Variants in RPRD1A observed in about 807,000 individuals in gnomAD.
The protein encoded by RPRD1A is regulation of nuclear pre-mRNA domain-containing protein 1A.
A neutral mutation model predicts 37.8 loss-of-function variants in RPRD1A; 9 were observed. The ratio of observed to expected loss-of-function variants is 0.24; its 90% CI spans 0.14 to 0.42. The LOEUF is 0.42. Among genes scored for constraint, RPRD1A ranks in the 10% least tolerant of loss-of-function variants. RPRD1A has a pLI of 1.00. For synonymous variants in RPRD1A, 138 were observed against 139.7 expected (o/e 0.99, Z 0.08); for missense variants, 255 against 371.0 (o/e 0.69, Z 2.57).
intron 6 of RPRD1A, among the ~76,000 whole-genome samples, chr18:36,021,666 G>C (rs996108693): frequency 1.3e-5 from 2 of 152,190 alleles, no homozygotes; most frequent in African/African-American, 2.4e-5. Flanking sequence ...AATTAGCCAA[G>C]CTGTGAATGC....
chr18:36,037,025 G>A (rs1568137618), intron 1 of RPRD1A, among the ~76,000 whole-genome samples: 1 of 152,182 alleles, frequency 6.6e-6, no homozygotes, highest in Non-Finnish European at 1.5e-5. Context: ...ACCACGCTAA[G>A]TACAGACTAA....
chr18:35,999,154 C>T (rs1000426987), intron 6 of RPRD1A, among the ~76,000 whole-genome samples: 4 of 152,110 alleles, frequency 2.6e-5, no homozygotes, highest in Admixed American at 2.6e-4. Flanking sequence ...AGAAAACACA[C>T]TTTCTATATA....
chr18:36,017,861 C>T (rs1373519633), intron 6 of RPRD1A, among the ~76,000 whole-genome samples: 5 of 152,164 alleles, frequency 3.3e-5, no homozygotes, highest in African/African-American at 9.7e-5. Context: ...CCCGCTCTTC[C>T]ACTAGATGGC....
chr18:36,000,231 T>C (rs1187743435), intron 6 of RPRD1A, among the ~76,000 whole-genome samples: 1 of 152,212 alleles, frequency 6.6e-6, no homozygotes, highest in Non-Finnish European at 1.5e-5. Context: ...TATCTAATCC[T>C]GGAATTGACA....
chr18:36,019,130 CAG>C lies in RPRD1A; in HGVS notation c.789+7768_789+7769del, dbSNP rs534186032. 4.3e-5 allele frequency among the ~76,000 whole-genome samples: 5 copies of C among 116,256 alleles called. No homozygotes were observed. The South Asian group carries it at 1.1e-3, about 25-fold the overall frequency. The allele number at this position is 116,256 out of a possible 152,430, so 76.3% of individuals were successfully genotyped here. A position where few individuals can be genotyped will look rare whatever the true frequency, so the allele number is the denominator to read the frequency against. ...TTTTTTTTTTTTTTTTTTTTGGAGA[CAG>C]AGTCTCGCTCTGTCGCCCAGGCTGG... is the stretch of plus-strand genomic sequence containing the variant. On this transcript the variant is annotated intron_variant, in intron 6 of 6. Transcript: ENST00000399022.
chr18:36,063,988 C>G (rs2088966595), intron 1 of RPRD1A: 1 of 152,274 alleles, frequency 6.6e-6, no homozygotes, highest in African/African-American at 2.4e-5. Context: ...GGAAACATCA[C>G]AAACCTTGCT....
intron 1 of RPRD1A, among the ~76,000 whole-genome samples, chr18:36,049,892 T>C (rs980756293): frequency 6.6e-6 from 1 of 152,222 alleles, no homozygotes; most frequent in Non-Finnish European, 1.5e-5. Context: ...GAAACTGCCA[T>C]ACAGTTTTCT....
At chr18:36,003,401 T>A (rs1909540849) in intron 6 of RPRD1A, among the ~76,000 whole-genome samples, 1 of 152,210 alleles carries the variant, frequency 6.6e-6, no homozygotes, top group African/African-American at 2.4e-5. Context: ...ACTGATGCAA[T>A]TAACTTTGGA....
rs182168604 is a variant in RPRD1A, at chr18:36,050,359, T to A, written c.152-16522A>T. 7.9e-5 allele frequency among the ~76,000 whole-genome samples: 12 copies of A among 152,152 alleles called. No individual in the cohort carries two copies. The South Asian group carries it at 2.5e-3, about 32-fold the overall frequency. Reference sequence around the variant, plus strand: ...TTGGGGATCCTCCAACCTCAGAGTATGTTGTTCAATGGAAAACTGTGCAAT... The same window carrying A: ...TTGGGGATCCTCCAACCTCAGAGTAAGTTGTTCAATGGAAAACTGTGCAAT... On this transcript the variant is annotated intron_variant, in intron 1 of 6. Coordinates refer to ENST00000399022, the MANE Select transcript of RPRD1A (RefSeq NM_018170.5).
rs773104405 is a variant in RPRD1A, at chr18:36,067,455, A to G, written c.-51T>C. The stretch of plus-strand genomic sequence containing the variant: ...CCCACGCGGTGGGGCCGAGGGGAGG[A>G]GAGTTTCGCCGCCCTAGCTGCGGCC... On this transcript the variant is annotated 5_prime_UTR_variant, in exon 1 of 7. Coordinates refer to ENST00000399022, the MANE Select transcript of RPRD1A (RefSeq NM_018170.5). The G allele has an allele frequency of 4.2e-5, 66 of 1,559,800 alleles. No individual in the cohort carries two copies. Among genetic ancestry groups the G allele is most frequent in the Middle Eastern group, 1.7e-4 (1 of 5,988 alleles).
At position 36,010,596 on chromosome 18, in the gene RPRD1A, G is replaced by A. The variant is rs139119894; in HGVS notation, c.789+16304C>T. Among the ~76,000 whole-genome samples the A allele has an allele frequency of 1.4e-4, 21 of 152,308 alleles. 1 individual carries two copies. In the East Asian group the frequency reaches 4.1e-3, roughly 29 times the overall value. ...TGTCTTTTGTTTTCTCTACAAAAGAGAGTGAAAATCTAAATCAGGCAAGGA... is the reference window on the plus strand; with the variant it reads ...TGTCTTTTGTTTTCTCTACAAAAGAAAGTGAAAATCTAAATCAGGCAAGGA... On this transcript the variant is annotated intron_variant, in intron 6 of 6. Coordinates refer to ENST00000399022, the MANE Select transcript of RPRD1A (RefSeq NM_018170.5).
chr18:36,005,104 A>C (rs1909663464), intron 6 of RPRD1A, among the ~76,000 whole-genome samples: 1 of 152,098 alleles, frequency 6.6e-6, no homozygotes, highest in South Asian at 2.1e-4. Context: ...GATCGAGACC[A>C]TTGTGGCTAA....
At chr18:36,040,140 T>A (rs1467151637) in intron 1 of RPRD1A, among the ~76,000 whole-genome samples, 1 of 152,246 alleles carries the variant, frequency 6.6e-6, no homozygotes, top group Non-Finnish European at 1.5e-5. Context: ...AAATTTTAAG[T>A]GTAATTTAAT....
intron 1 of RPRD1A, among the ~76,000 whole-genome samples, chr18:36,039,613 T>C (rs2144331001): frequency 6.6e-6 from 1 of 152,362 alleles, no homozygotes; most frequent in Admixed American, 6.5e-5. Context: ...GGAGAAATGT[T>C]ACCTATTTTC....
At chr18:36,031,799 AG>A (rs1401795420) in intron 2 of RPRD1A, among the ~76,000 whole-genome samples, 15 of 152,210 alleles carry the variant, frequency 9.9e-5, no homozygotes, top group African/African-American at 3.4e-4. Flanking sequence ...AATGTAAATC[AG>A]ATTATACAGC....
chr18:36,044,105 G>A (rs904764647), intron 1 of RPRD1A, among the ~76,000 whole-genome samples: 6 of 152,116 alleles, frequency 3.9e-5, no homozygotes, highest in Non-Finnish European at 8.8e-5. Context: ...CATCAAAAAG[G>A]TTTTCTCTTT....
intron 1 of RPRD1A, among the ~76,000 whole-genome samples, chr18:36,060,360 G>T (rs59125847): frequency 0.12 from 17,577 of 152,022 alleles, 1,256 homozygotes; most frequent in East Asian, 0.25. Context: ...ATGAACCCGG[G>T]AAGGTGGAGG....
chr18:36,060,442 T>A (rs1454444552), intron 1 of RPRD1A, among the ~76,000 whole-genome samples: 2 of 151,800 alleles, frequency 1.3e-5, no homozygotes, highest in African/African-American at 4.8e-5. Context: ...TCAAAAAAAA[T>A]AAAAAAGAAA....
At chr18:36,033,971 C>A in intron 1 of RPRD1A, 134 bp from the exon 2 acceptor site, 1 of 638,346 alleles carries the variant, frequency 1.6e-6, no homozygotes, top group Admixed American at 3.2e-5. Context: ...ACCCTAGTCT[C>A]TCATTTTACT....
Sources: allele counts gnomAD v4.1 joint callset (sites outside exome capture counted in the v4.1 genomes callset), GRCh38; gene constraint gnomAD v4.1.1; transcripts MANE v1.5; gene names NCBI Gene and HGNC (gene_info 2026-07-23, HGNC 2026-07-21).